Variants in LARP1B observed in about 807,000 individuals in gnomAD.
LARP1B encodes la-related protein 1B.
Under a neutral mutation model 114.2 loss-of-function variants are expected in LARP1B, and 76 were observed. The observed-to-expected ratio is 0.67, with a 90% CI of 0.55 to 0.81. The LOEUF is 0.81. Among genes scored for constraint, LARP1B ranks in the 30% least tolerant of loss-of-function variants. The pLI, the probability that LARP1B is intolerant of heterozygous loss-of-function variation, is 0.00. For synonymous variants in LARP1B, 345 were observed against 348.0 expected (o/e 0.99, Z 0.10); for missense variants, 1,014 against 1,075.8 (o/e 0.94, Z 0.80).
At chr4:128,076,507 A>G (rs970168403) in intron 3 of LARP1B, among the ~76,000 whole-genome samples, 2 of 152,086 alleles carry the variant, frequency 1.3e-5, no homozygotes, top group African/African-American at 4.8e-5. Context: ...CCATTCACCT[A>G]TTGTTAATGG....
chr4:128,120,276 A>G lies in LARP1B; in HGVS notation c.1162-1550A>G, dbSNP rs77043310. On this transcript the variant is annotated intron_variant, in intron 10 of 19. Transcript: ENST00000326639. ...GAAAGGGAGGAATTGTTTTTTTCCT[A>G]GACATAGGAAGTTAGCATGAACTGA... Among the ~76,000 whole-genome samples, 18 of 152,218 alleles carry G rather than the reference A, an allele frequency of 1.2e-4. No individual in the cohort carries two copies. In the East Asian group the frequency reaches 3.3e-3, roughly 28 times the overall value.
At chr4:128,181,077 G>A (rs1748175484) in intron 15 of LARP1B, among the ~76,000 whole-genome samples, 1 of 152,044 alleles carries the variant, frequency 6.6e-6, no homozygotes, top group African/African-American at 2.4e-5. Flanking sequence ...TTATAACCCA[G>A]TCTGATAATG....
In LARP1B at chr4:128,152,296, C is replaced by T. The variant is rs528368841; in HGVS notation, c.1525-9898C>T. Among the ~76,000 whole-genome samples the T allele has an allele frequency of 1.3e-3, 200 of 151,016 alleles. 2 individuals are homozygous for T. Among genetic ancestry groups the T allele is most frequent in the African/African-American group, 4.5e-3 (186 of 41,060 alleles). ...TCGGCTCACTGAAACCTCCACCTCC[C>T]GGGTTCAAGCGATTCTCCTGCCTTA... On this transcript the variant is annotated intron_variant, in intron 11 of 19. Coordinates refer to ENST00000326639, the MANE Select transcript of LARP1B (RefSeq NM_018078.4).
chr4:128,075,423 T>A (rs557150485), intron 3 of LARP1B, among the ~76,000 whole-genome samples: 1 of 152,176 alleles, frequency 6.6e-6, no homozygotes, highest in Non-Finnish European at 1.5e-5. Context: ...TCAAGAAGAT[T>A]ACATTTTGTT....
At chr4:128,104,891 A>G (rs764318273) in intron 8 of LARP1B, among the ~76,000 whole-genome samples, 16 of 152,218 alleles carry the variant, frequency 1.1e-4, no homozygotes, top group Non-Finnish European at 1.9e-4. Flanking sequence ...GTAACAGGGC[A>G]TAAATGTGTG....
At chr4:128,157,679 C>G (rs1431874087) in intron 11 of LARP1B, among the ~76,000 whole-genome samples, 1 of 151,950 alleles carries the variant, frequency 6.6e-6, no homozygotes, top group Non-Finnish European at 1.5e-5. Context: ...GTTACAGTGC[C>G]TGAAAGAAAG....
At chr4:128,095,041 G>A (rs1399792465) in intron 7 of LARP1B, among the ~76,000 whole-genome samples, 4 of 152,066 alleles carry the variant, frequency 2.6e-5, no homozygotes, top group African/African-American at 7.2e-5. Context: ...GTGAGCCACC[G>A]TGCCCTGCAT....
In LARP1B at chr4:128,077,949, T is replaced by G; in HGVS notation, c.204T>G (p.Asn68Lys). 1.3e-6 allele frequency: 2 copies of G among 1,599,730 alleles called. No individual in the cohort carries two copies. The highest frequency in any genetic ancestry group is 1.7e-6 in the Non-Finnish European group (2 of 1,175,814). ...GTGAGGATGAGGCTCAGTCAAGTAATCAACGTAAGAGAGGTCAGTTTGTCC... is the reference window on the plus strand; with the variant it reads ...GTGAGGATGAGGCTCAGTCAAGTAAGCAACGTAAGAGAGGTCAGTTTGTCC... ...NVSEDEAQSS[N>K]QRKRANKHKW... is the part of the protein sequence containing the mutation. Residue 68 changes from asparagine (N) to lysine (K), a missense_variant, in exon 4 of 20, where the codon AAT becomes AAG. Physicochemically the swap from Asn to Lys is moderately conservative, Grantham distance 94. Transcript: ENST00000326639.
At chr4:128,185,108 G>A (rs1171953606) in intron 15 of LARP1B, among the ~76,000 whole-genome samples, 5 of 151,926 alleles carry the variant, frequency 3.3e-5, no homozygotes, top group Non-Finnish European at 5.9e-5. Context: ...TACATGTCTT[G>A]GCTATAGTGA....
At chr4:128,078,912 G>A (rs1283900315) in intron 4 of LARP1B, among the ~76,000 whole-genome samples, 5 of 152,038 alleles carry the variant, frequency 3.3e-5, no homozygotes, top group Non-Finnish European at 7.3e-5. Context: ...GATAGACAAC[G>A]TCCATGGTAT....
chr4:128,100,252 C>T (rs545153154), intron 8 of LARP1B, among the ~76,000 whole-genome samples: 20 of 151,960 alleles, frequency 1.3e-4, no homozygotes, highest in Non-Finnish European at 2.1e-4. Flanking sequence ...CATGAGCTAC[C>T]GCGCGCCTGG....
intron 9 of LARP1B, chr4:128,108,810 C>T (rs1263891114): frequency 3.0e-6 from 3 of 984,036 alleles, no homozygotes; most frequent in Non-Finnish European, 3.6e-6. Flanking sequence ...CATATACTTT[C>T]TCTGCAGGGT....
In LARP1B at chr4:128,073,591, T is replaced by TTTTTTTTTTTTTTTTTTTTTTG. The variant is rs1766517165; in HGVS notation, c.-77-851_-77-850insTTTGTTTTTTTTTTTTTTTTTT. ...GTTGTCGTTTTTTTTTTTTTTTTTTTTTTTTTTTTTTTTTTTTTGGACAGA... is the reference window on the plus strand; with the variant it reads ...GTTGTCGTTTTTTTTTTTTTTTTTTTTTTTTTTTTTTTTTTTTTTTTGTTTTTTTTTTTTTTTTTTGGACAGA... On this transcript the variant is annotated intron_variant, in intron 1 of 19. Transcript: ENST00000326639. 7.2e-5 allele frequency among the ~76,000 whole-genome samples: 2 copies of TTTTTTTTTTTTTTTTTTTTTTG among 27,916 alleles called. 1 individual carries two copies. Among genetic ancestry groups the TTTTTTTTTTTTTTTTTTTTTTG allele is most frequent in the Non-Finnish European group, 1.4e-4 (2 of 13,888 alleles). The allele number at this position is 27,916 out of a possible 152,430, so 18.3% of individuals were successfully genotyped here.
chr4:128,136,420 C>T (rs753644558), intron 11 of LARP1B, among the ~76,000 whole-genome samples: 1 of 151,628 alleles, frequency 6.6e-6, no homozygotes, highest in Non-Finnish European at 1.5e-5. Flanking sequence ...AAAAGCATTA[C>T]TAGTGTGAAA....
At chr4:128,063,835 T>C (rs564072836) in intron 1 of LARP1B, among the ~76,000 whole-genome samples, 1 of 152,114 alleles carries the variant, frequency 6.6e-6, no homozygotes, top group African/African-American at 2.4e-5. Context: ...TGTAAATGAC[T>C]TGAACTTTTT....
At position 128,133,032 on chromosome 4, in the gene LARP1B, A is replaced by T. The variant is rs112403601; in HGVS notation, c.1524+10844A>T. ...AGGGTTCATGCTCCTATGAGAATCTAATGCTGCCACTGATCTGGCAGACGG... is the reference window on the plus strand; with the variant it reads ...AGGGTTCATGCTCCTATGAGAATCTTATGCTGCCACTGATCTGGCAGACGG... On this transcript the variant is annotated intron_variant, in intron 11 of 19. Transcript: ENST00000326639. Among the ~76,000 whole-genome samples the T allele has an allele frequency of 8.0e-3, 1,213 of 152,194 alleles. 18 individuals are homozygous for T. The highest frequency in any genetic ancestry group is 0.028 in the African/African-American group (1,149 of 41,510).
chr4:128,134,787 ATAGT>A (rs1314693517), intron 11 of LARP1B, among the ~76,000 whole-genome samples: 2 of 152,102 alleles, frequency 1.3e-5, no homozygotes, highest in African/African-American at 4.8e-5. Context: ...ACTTGTGTAG[ATAGT>A]TCTCTAAAGG....
intron 5 of LARP1B, among the ~76,000 whole-genome samples, chr4:128,087,785 A>G (rs1214264314): frequency 3.9e-5 from 6 of 152,128 alleles, no homozygotes; most frequent in Non-Finnish European, 8.8e-5. Context: ...AGGTTGAGGC[A>G]GGAGGATTGC....
intron 11 of LARP1B, among the ~76,000 whole-genome samples, chr4:128,149,276 C>T (rs1298230860): frequency 6.6e-6 from 1 of 152,104 alleles, no homozygotes; most frequent in African/African-American, 2.4e-5. Flanking sequence ...GACCAGATTG[C>T]AAAGTGTCTT....
Sources: allele counts gnomAD v4.1 joint callset (sites outside exome capture counted in the v4.1 genomes callset), GRCh38; gene constraint gnomAD v4.1.1; transcripts MANE v1.5; gene names NCBI Gene and HGNC (gene_info 2026-07-23, HGNC 2026-07-21).